DYNC1I1: variants seen among roughly 807,000 people sequenced by gnomAD.
The protein encoded by DYNC1I1 is dynein cytoplasmic 1 intermediate chain 1.
A neutral mutation model predicts 86.6 loss-of-function variants in DYNC1I1; 43 were observed. The ratio of observed to expected loss-of-function variants is 0.50; its 90% CI spans 0.39 to 0.64. The LOEUF is 0.64. Ranked by LOEUF, DYNC1I1 falls within the 30% of genes least tolerant of loss-of-function variation. The pLI is 0.00. For synonymous variants in DYNC1I1, 262 were observed against 283.7 expected (o/e 0.92, Z 0.77); for missense variants, 604 against 788.8 (o/e 0.77, Z 2.81).
At chr7:95,902,739 C>T (rs1791072452) in intron 6 of DYNC1I1, among the ~76,000 whole-genome samples, 1 of 152,024 alleles carries the variant, frequency 6.6e-6, no homozygotes, top group African/African-American at 2.4e-5. Context: ...CCACTTGTCT[C>T]CTCCTCCTAA....
chr7:95,940,875 C>T (rs6959669), intron 6 of DYNC1I1, among the ~76,000 whole-genome samples: 11,484 of 152,228 alleles, frequency 0.075, 839 homozygotes, highest in African/African-American at 0.2. Flanking sequence ...GAGAGGCACT[C>T]GCTTTTTAGA....
At chr7:95,923,774 A>G (rs1791671606) in intron 6 of DYNC1I1, among the ~76,000 whole-genome samples, 1 of 152,152 alleles carries the variant, frequency 6.6e-6, no homozygotes, top group Non-Finnish European at 1.5e-5. Context: ...AGATGCACCC[A>G]TTCAGAAATT....
At chr7:95,781,010 A>C (rs888281409) in intron 1 of DYNC1I1, among the ~76,000 whole-genome samples, 24 of 152,304 alleles carry the variant, frequency 1.6e-4, no homozygotes, top group African/African-American at 5.5e-4. Flanking sequence ...AACAACAAAA[A>C]AAAAAACCTT....
At chr7:96,053,534 C>G (rs1276083753) in intron 14 of DYNC1I1, among the ~76,000 whole-genome samples, 1 of 152,250 alleles carries the variant, frequency 6.6e-6, no homozygotes, top group East Asian at 1.9e-4. Flanking sequence ...AATCCTCACC[C>G]AAAACCCCAT....
At chr7:96,004,226 A>G (rs1794085746) in intron 10 of DYNC1I1, among the ~76,000 whole-genome samples, 1 of 152,162 alleles carries the variant, frequency 6.6e-6, no homozygotes, top group Non-Finnish European at 1.5e-5. Flanking sequence ...TTTAAATGGT[A>G]TGTTCATTAT....
chr7:96,103,277 TGAAA>T (rs1209637363), downstream of DYNC1I1, among the ~76,000 whole-genome samples: 5 of 152,284 alleles, frequency 3.3e-5, no homozygotes, highest in African/African-American at 1.2e-4. Context: ...GGATGAACCT[TGAAA>T]GACAGTCAAG....
At chr7:96,041,788 A>C (rs1410496551) in intron 14 of DYNC1I1, among the ~76,000 whole-genome samples, 1 of 152,156 alleles carries the variant, frequency 6.6e-6, no homozygotes, top group Non-Finnish European at 1.5e-5. Flanking sequence ...AGGATAAACA[A>C]AAAAGTTACT....
chr7:95,853,144 G>C (rs1584279177), intron 5 of DYNC1I1, among the ~76,000 whole-genome samples: 1 of 152,068 alleles, frequency 6.6e-6, no homozygotes, highest in African/African-American at 2.4e-5. Context: ...TAAGATTTTA[G>C]TTTTTTTAGA....
At chr7:95,845,019 G>A (rs907054610) in intron 5 of DYNC1I1, among the ~76,000 whole-genome samples, 8 of 152,300 alleles carry the variant, frequency 5.3e-5, no homozygotes, top group African/African-American at 1.9e-4. Context: ...TTTGGCCCAA[G>A]CCCAGGAATG....
chr7:96,020,393 A>G (rs1038880997), intron 10 of DYNC1I1, among the ~76,000 whole-genome samples: 1 of 152,112 alleles, frequency 6.6e-6, no homozygotes, highest in South Asian at 2.1e-4. Context: ...AAATAAAAAT[A>G]AAAGCTCGTG....
intron 6 of DYNC1I1, among the ~76,000 whole-genome samples, chr7:95,900,097 C>T (rs1466413802): frequency 1.3e-5 from 2 of 152,154 alleles, no homozygotes; most frequent in Non-Finnish European, 2.9e-5. Context: ...CCGGCCACAG[C>T]TTGGGGAGCT....
At chr7:95,924,223 T>C (rs1198023644) in intron 6 of DYNC1I1, among the ~76,000 whole-genome samples, 1 of 152,182 alleles carries the variant, frequency 6.6e-6, no homozygotes, top group Admixed American at 6.5e-5. Context: ...AATTGTCCCA[T>C]TGCTTTGGTA....
At position 95,991,274 on chromosome 7, in the gene DYNC1I1, A is replaced by T. The variant is rs114882904; in HGVS notation, c.843+4119A>T. ...TTTCCAGGCCTTTCTTCTTTTATAC[A>T]TCTTGATATAGCCTGCCTCCTAGCC... On this transcript the variant is annotated intron_variant, in intron 9 of 16. Transcript: ENST00000447467. Among the ~76,000 whole-genome samples the T allele has an allele frequency of 7.1e-3, 1,078 of 152,264 alleles. 17 individuals are homozygous for T. Among genetic ancestry groups the T allele is most frequent in the African/African-American group, 0.025 (1,026 of 41,558 alleles).
intron 10 of DYNC1I1, among the ~76,000 whole-genome samples, chr7:96,013,888 C>A (rs1340171674): frequency 6.6e-6 from 1 of 152,092 alleles, no homozygotes; most frequent in East Asian, 1.9e-4. Flanking sequence ...TTTATTGTAC[C>A]CATGAAGAAA....
chr7:95,852,882 CATTAG>C (rs1789618068), intron 5 of DYNC1I1, among the ~76,000 whole-genome samples: 1 of 152,088 alleles, frequency 6.6e-6, no homozygotes, highest in Non-Finnish European at 1.5e-5. Flanking sequence ...TAAGGTGAAA[CATTAG>C]ATTATTTAAT....
chr7:95,868,035 TATATG>T (rs1174845416), intron 5 of DYNC1I1, among the ~76,000 whole-genome samples: 7 of 152,348 alleles, frequency 4.6e-5, no homozygotes, highest in African/African-American at 1.4e-4. Flanking sequence ...TTGTTTCTGA[TATATG>T]GTATGTGCTT....
In DYNC1I1 at chr7:95,785,674, A is replaced by T. The variant is rs954604141; in HGVS notation, c.-10+12901A>T. Among the ~76,000 whole-genome samples the T allele has an allele frequency of 5.3e-5, 8 of 150,530 alleles. No individual in the cohort carries two copies. In the East Asian group the frequency reaches 1.6e-3, roughly 29 times the overall value. On this transcript the variant is annotated intron_variant, in intron 1 of 16. Coordinates refer to ENST00000447467, the MANE Select transcript of DYNC1I1 (RefSeq NM_001135556.2). ...ACATATATATTGTATATAATTAACA[A>T]AATCTATGCCTTCATTGCAACTTTA...
intron 4 of DYNC1I1, among the ~76,000 whole-genome samples, chr7:95,817,838 G>A (rs537426546): frequency 6.6e-6 from 1 of 152,236 alleles, no homozygotes; most frequent in East Asian, 1.9e-4. Context: ...TCATTCACAT[G>A]GATGGCTCAC....
intron 10 of DYNC1I1, 62 bp downstream of exon 10, chr7:95,996,135 G>T (rs1364484503): frequency 6.2e-7 from 1 of 1,606,232 alleles, no homozygotes; most frequent in Non-Finnish European, 8.5e-7. Context: ...AGTTTGTGCT[G>T]CATTGCATCT....
Sources: allele counts gnomAD v4.1 joint callset (sites outside exome capture counted in the v4.1 genomes callset), GRCh38; gene constraint gnomAD v4.1.1; transcripts MANE v1.5; gene names NCBI Gene and HGNC (gene_info 2026-07-23, HGNC 2026-07-21).